SLC14A2: variants seen among roughly 807,000 people sequenced by gnomAD.
The protein encoded by SLC14A2 is urea transporter 2.
SLC14A2 carries 91 observed loss-of-function variants against 104.6 expected under a neutral mutation model. The ratio of observed to expected loss-of-function variants is 0.87; its 90% CI spans 0.73 to 1.04. The LOEUF is 1.04. SLC14A2 is among the 50% of genes least tolerant of loss of function. The pLI, the probability that SLC14A2 is intolerant of heterozygous loss-of-function variation, is 0.00. For missense variants in SLC14A2, 1,189 were observed against 1,156.0 expected (o/e 1.03, Z -0.41); for synonymous variants, 476 against 466.4 (o/e 1.02, Z -0.27).
At chr18:45,197,657 C>T in the SLC14A2 span, among the ~76,000 whole-genome samples, 2 of 152,166 alleles carry the variant, frequency 1.3e-5, no homozygotes, top group Admixed American at 6.5e-5. Flanking sequence ...AAAATGCTGA[C>T]GCACTCCTAA....
intron 2 of SLC14A2, among the ~76,000 whole-genome samples, chr18:45,547,141 G>A (rs550987088): frequency 6.6e-6 from 1 of 151,938 alleles, no homozygotes; most frequent in Non-Finnish European, 1.5e-5. Context: ...ACCAGTTCTT[G>A]TAGTTATGAA....
At chr18:45,510,568 G>C (rs1261985780) in intron 2 of SLC14A2, among the ~76,000 whole-genome samples, 3 of 152,038 alleles carry the variant, frequency 2.0e-5, no homozygotes, top group Non-Finnish European at 4.4e-5. Context: ...CCCTTTGCCT[G>C]CTGATCAGGG....
intron 1 of SLC14A2, among the ~76,000 whole-genome samples, chr18:45,254,011 A>C (rs1178078281): frequency 6.6e-6 from 1 of 152,104 alleles, no homozygotes; most frequent in Non-Finnish European, 1.5e-5. Context: ...AGCAGAACCA[A>C]AGGACCGAAC....
intron 2 of SLC14A2, among the ~76,000 whole-genome samples, chr18:45,514,683 G>A (rs1236780748): frequency 6.6e-6 from 1 of 152,150 alleles, no homozygotes; most frequent in African/African-American, 2.4e-5. Flanking sequence ...CTAGCAATCA[G>A]CAAACTTTGT....
intron 1 of SLC14A2, among the ~76,000 whole-genome samples, chr18:45,291,711 G>C (rs1346342673): frequency 6.6e-6 from 1 of 151,882 alleles, no homozygotes; most frequent in Non-Finnish European, 1.5e-5. Flanking sequence ...CTTTGTGGAC[G>C]TTCCTCCCCC....
chr18:45,170,275 G>A, the SLC14A2 span, among the ~76,000 whole-genome samples: 5,227 of 152,178 alleles, frequency 0.034, 304 homozygotes, highest in African/African-American at 0.12. Flanking sequence ...AGGATTTGGA[G>A]AGGCAGAGGT....
At chr18:45,330,400 G>T in intron 1 of SLC14A2, among the ~76,000 whole-genome samples, 1 of 152,182 alleles carries the variant, frequency 6.6e-6, no homozygotes, top group East Asian at 1.9e-4. Flanking sequence ...GCTTGAGGTT[G>T]CATTTCAGAG....
intron 1 of SLC14A2, among the ~76,000 whole-genome samples, chr18:45,624,273 G>C (rs888822183): frequency 6.6e-6 from 1 of 152,162 alleles, no homozygotes; most frequent in East Asian, 1.9e-4. Flanking sequence ...CTGTGTGTAC[G>C]TATCAAGGGG....
intron 1 of SLC14A2, among the ~76,000 whole-genome samples, chr18:45,426,939 G>T (rs2144537614): frequency 6.6e-6 from 1 of 152,226 alleles, no homozygotes; most frequent in East Asian, 1.9e-4. Context: ...CTCAGGGAAT[G>T]ATTGCATTGC....
intron 1 of SLC14A2, among the ~76,000 whole-genome samples, chr18:45,299,921 A>C (rs181113151): frequency 6.6e-6 from 1 of 152,196 alleles, no homozygotes; most frequent in East Asian, 1.9e-4. Flanking sequence ...ATTGGTGCTG[A>C]TGCTTGTGGC....
intron 4 of SLC14A2, among the ~76,000 whole-genome samples, chr18:45,631,109 T>C (rs1464860488): frequency 1.3e-5 from 2 of 152,226 alleles, no homozygotes; most frequent in African/African-American, 4.8e-5. Context: ...TTCCAGAAGC[T>C]TCTGCCATGC....
At chr18:45,285,671 CCCCT>C (rs1234866876) in intron 1 of SLC14A2, among the ~76,000 whole-genome samples, 4 of 143,102 alleles carry the variant, frequency 2.8e-5, no homozygotes, top group Non-Finnish European at 6.2e-5. Context: ...GCCCCCCCCC[CCCCT>C]CGGCCTCCCA....
Position 45,624,814 on chromosome 18 carries a change from G to A in SLC14A2, c.150G>A (p.Lys50=), listed in dbSNP as rs760577987. The stretch of plus-strand genomic sequence containing the variant: ...CCCTCCTGGAAATGCCTGAAGAAAA[G>A]GTGAGAAGTGTCCCTCCTAGGATGT... ...ALPLLEMPEE[K]DLRSSNEDSH... The change falls in exon 2 of 20, where the codon AAG becomes AAA. Residue 50 remains lysine (K), a splice_region_variant and synonymous_variant. Transcript: ENST00000255226. 1.9e-6 allele frequency: 3 copies of A among 1,610,240 alleles called. No individual in the cohort carries two copies. The highest frequency in any genetic ancestry group is 2.5e-6 in the Non-Finnish European group (3 of 1,178,158).
rs768389823 is a variant in SLC14A2, at chr18:45,355,577, CAAAAAAA to C, written c.-124-127639_-124-127633del. 1.8e-4 allele frequency among the ~76,000 whole-genome samples: 9 copies of C among 51,126 alleles called. 1 individual carries two copies. The South Asian group carries it at 4.3e-3, about 24-fold the overall frequency. The allele number at this position is 51,126 out of a possible 152,430, so 33.5% of individuals were successfully genotyped here. A position where few individuals can be genotyped will look rare whatever the true frequency, so the allele number is the denominator to read the frequency against. On this transcript the variant is annotated intron_variant, in intron 1 of 20. Transcript: ENST00000586448. The stretch of plus-strand genomic sequence containing the variant: ...TGGGCGACAGAGTGATACTCTGTCT[CAAAAAAA>C]AAAAAAAAAAAAAAAACCCTGATTT...
At chr18:45,485,139 T>C (rs533023682) in intron 2 of SLC14A2, 3 of 152,326 alleles carry the variant, frequency 2.0e-5, no homozygotes, top group African/African-American at 4.8e-5. Context: ...CATATCTATT[T>C]TATAGATGAA....
intron 1 of SLC14A2, among the ~76,000 whole-genome samples, chr18:45,366,760 C>T (rs1436634059): frequency 1.3e-5 from 2 of 152,210 alleles, no homozygotes; most frequent in South Asian, 2.1e-4. Context: ...AGGGAACTGG[C>T]TCAGCTGGTA....
At chr18:45,268,964 T>TTGTGTGTGTGTGTGTGTGTGTGTGTGTG (rs3050837) in intron 1 of SLC14A2, among the ~76,000 whole-genome samples, 16 of 143,560 alleles carry the variant, frequency 1.1e-4, no homozygotes, top group East Asian at 8.2e-4. Context: ...GTTGGTGTGT[T>TTGTGTGTGTGTGTGTGTGTGTGTGTGTG]TGTGTGTGTG....
intron 1 of SLC14A2, among the ~76,000 whole-genome samples, chr18:45,369,982 T>C (rs562831254): frequency 1.3e-5 from 2 of 152,318 alleles, no homozygotes; most frequent in South Asian, 2.1e-4. Context: ...CTGGATCCTT[T>C]ATGAAACTCT....
At chr18:45,296,554 G>A (rs776075237) in intron 1 of SLC14A2, among the ~76,000 whole-genome samples, 3 of 152,090 alleles carry the variant, frequency 2.0e-5, no homozygotes, top group Admixed American at 6.6e-5. Context: ...CCATCTTCCC[G>A]GTGACCACCT....
Sources: gnomAD v4.1 joint callset for allele counts (sites outside exome capture counted in the v4.1 genomes callset) on GRCh38, gnomAD v4.1.1 for gene constraint, MANE v1.5 for transcripts, NCBI Gene and HGNC (gene_info 2026-07-23, HGNC 2026-07-21) for gene names.